ENOX1: variants seen among roughly 807,000 people sequenced by gnomAD.
ENOX1 encodes candidate growth-related and time keeping constitutive hydroquinone (NADH) oxidase.
In ENOX1, 42 loss-of-function variants were observed where a neutral mutation model predicts 82.5. The observed-to-expected ratio is 0.51, with a 90% CI of 0.40 to 0.66. The LOEUF (loss-of-function observed/expected upper bound fraction) is 0.66, where lower values mean the gene tolerates loss of function less well. Among genes scored for constraint, ENOX1 ranks in the 30% least tolerant of loss-of-function variants. The probability of loss-of-function intolerance (pLI) is 0.00; values close to 1 mark genes in which losing one functional copy is unlikely to be tolerated. For synonymous variants in ENOX1, 271 were observed against 282.2 expected, an observed-to-expected ratio of 0.96 and a Z score of 0.40; for missense variants, 608 against 811.6, an observed-to-expected ratio of 0.75 and a Z score of 3.05.
intron 2 of ENOX1, among the ~76,000 whole-genome samples, chr13:43,617,222 T>A (rs1317887952): frequency 6.6e-6 from 1 of 152,234 alleles, no homozygotes; most frequent in African/African-American, 2.4e-5. Flanking sequence ...CTGCCAATGC[T>A]GGGCATTCCG....
At chr13:43,471,293 T>G (rs1354576800) in intron 3 of ENOX1, among the ~76,000 whole-genome samples, 1 of 152,072 alleles carries the variant, frequency 6.6e-6, no homozygotes, top group East Asian at 1.9e-4. Flanking sequence ...GTAGGGATAC[T>G]GGGAGGGGCC....
chr13:43,525,049 ACTC>A (rs1271169111), intron 2 of ENOX1, among the ~76,000 whole-genome samples: 3 of 151,758 alleles, frequency 2.0e-5, no homozygotes, highest in Non-Finnish European at 4.4e-5. Flanking sequence ...TTTATCAACT[ACTC>A]CTTCACATTT....
At chr13:43,300,960 C>T (rs2046541299) in intron 11 of ENOX1, among the ~76,000 whole-genome samples, 1 of 152,166 alleles carries the variant, frequency 6.6e-6, no homozygotes, top group Non-Finnish European at 1.5e-5. Context: ...AGCTTCAGAT[C>T]TTGTCCACAC....
intron 2 of ENOX1, among the ~76,000 whole-genome samples, chr13:43,510,938 G>A (rs2077344424): frequency 6.6e-6 from 1 of 152,100 alleles, no homozygotes; most frequent in Non-Finnish European, 1.5e-5. Context: ...CTATAGGGAT[G>A]CAGAAAAAAT....
chr13:43,450,525 C>T (rs777908349), intron 3 of ENOX1, among the ~76,000 whole-genome samples: 14 of 151,974 alleles, frequency 9.2e-5, no homozygotes, highest in East Asian at 1.9e-4. Flanking sequence ...AGAGGAAATA[C>T]GGGGAAAATG....
At chr13:43,465,861 T>C (rs909833520) in intron 3 of ENOX1, among the ~76,000 whole-genome samples, 2 of 152,332 alleles carry the variant, frequency 1.3e-5, no homozygotes, top group Non-Finnish European at 2.9e-5. Flanking sequence ...TTGCACCACC[T>C]ACCATCCATT....
chr13:43,662,102 C>T (rs553163022), intron 2 of ENOX1, among the ~76,000 whole-genome samples: 13 of 152,240 alleles, frequency 8.5e-5, no homozygotes, highest in African/African-American at 3.1e-4. Context: ...AGAAGAAAGG[C>T]ATTAAGAGAA....
At chr13:43,510,680 C>T (rs2077334736) in intron 2 of ENOX1, among the ~76,000 whole-genome samples, 1 of 152,070 alleles carries the variant, frequency 6.6e-6, no homozygotes, top group Admixed American at 6.6e-5. Context: ...AAAGTGTAAA[C>T]CCTGAAACTG....
chr13:43,356,221 A>C (rs746778108), intron 7 of ENOX1, 69 bp from the exon 8 acceptor site: 188 of 1,315,094 alleles, frequency 1.4e-4, no homozygotes, highest in Admixed American at 2.3e-4. Flanking sequence ...CAGACCTTCA[A>C]GGCACGCTTA....
At chr13:43,553,205 T>C (rs2079281322) in intron 2 of ENOX1, among the ~76,000 whole-genome samples, 1 of 152,176 alleles carries the variant, frequency 6.6e-6, no homozygotes, top group Non-Finnish European at 1.5e-5. Context: ...TACTATTATT[T>C]AATGTAGGTT....
In ENOX1 at chr13:43,298,414, T is replaced by C. The variant is rs750754972; in HGVS notation, c.1378A>G (p.Thr460Ala). ...LKQEKEQLFR[T>A]EENLTKDQQL... ...TGGTCCTTGGTGAGGTTTTCTTCTG[T>C]TCGGAAAAGCTGTTCTTTTTCTTGT... The change falls in exon 12 of 17, where the codon ACA (threonine) becomes GCA (alanine). Residue 460 changes from threonine to alanine, a missense_variant. Physicochemically the swap from Thr to Ala is moderately conservative, Grantham distance 58. Coordinates refer to ENST00000690772, the MANE Select transcript of ENOX1 (RefSeq NM_001347969.2). The C allele has an allele frequency of 1.2e-6, 2 of 1,614,184 alleles. No individual in the cohort carries two copies. The highest frequency in any genetic ancestry group is 1.1e-5 in the South Asian group (1 of 91,078).
intron 5 of ENOX1, among the ~76,000 whole-genome samples, chr13:43,377,230 C>T (rs1375283496): frequency 1.3e-5 from 2 of 152,088 alleles, no homozygotes; most frequent in Non-Finnish European, 2.9e-5. Context: ...GAGCGGGCTC[C>T]TGATAAAAAG....
chr13:43,392,425 T>G (rs2052842282), intron 5 of ENOX1, among the ~76,000 whole-genome samples: 1 of 152,204 alleles, frequency 6.6e-6, no homozygotes, highest in Non-Finnish European at 1.5e-5. Context: ...ACGCCTGTAA[T>G]CCCAGCACTT....
chr13:43,243,108 C>G (rs2042916586), intron 14 of ENOX1, among the ~76,000 whole-genome samples: 1 of 143,616 alleles, frequency 7.0e-6, no homozygotes, highest in Non-Finnish European at 1.5e-5. Context: ...TGCACTCCAG[C>G]CTGGGCAACA....
chr13:43,764,807 A>C (rs1242650759), intron 1 of ENOX1, among the ~76,000 whole-genome samples: 3 of 152,222 alleles, frequency 2.0e-5, no homozygotes, highest in Non-Finnish European at 4.4e-5. Context: ...TGTGAACAAA[A>C]AAGTTACTTT....
chr13:43,749,489 CT>C (rs1450239605), intron 1 of ENOX1, among the ~76,000 whole-genome samples: 1 of 152,232 alleles, frequency 6.6e-6, no homozygotes, highest in Non-Finnish European at 1.5e-5. Flanking sequence ...TGGAGCTCAC[CT>C]TGGAGAAGAG....
chr13:43,377,618 G>A (rs868804467), intron 5 of ENOX1, among the ~76,000 whole-genome samples: 1 of 152,128 alleles, frequency 6.6e-6, no homozygotes, highest in African/African-American at 2.4e-5. Context: ...TATGGGAAAA[G>A]GTAGAGTAAT....
intron 5 of ENOX1, among the ~76,000 whole-genome samples, chr13:43,376,976 A>G (rs2051682906): frequency 6.6e-6 from 1 of 152,176 alleles, no homozygotes; most frequent in South Asian, 2.1e-4. Flanking sequence ...TCTTGGACAG[A>G]CTTTATACCA....
rs114495507 is a variant in ENOX1 at position 43,678,733 on chromosome 13, T to C, written c.-284-11189A>G. ...ACTCAGAACTGCTGTGAGGCTAAAG[T>C]GAAGTCACACACTCGATACACTGCC... On this transcript the variant is annotated intron_variant, in intron 1 of 16. Coordinates refer to ENST00000690772, the MANE Select transcript of ENOX1 (RefSeq NM_001347969.2). 3.6e-3 allele frequency among the ~76,000 whole-genome samples: 548 copies of C among 152,126 alleles called. 6 individuals are homozygous for C. The highest frequency in any genetic ancestry group is 0.013 in the African/African-American group (530 of 41,556).
Sources: allele counts gnomAD v4.1 joint callset (sites outside exome capture counted in the v4.1 genomes callset), GRCh38; gene constraint gnomAD v4.1.1; transcripts MANE v1.5; gene names NCBI Gene and HGNC (gene_info 2026-07-23, HGNC 2026-07-21).